The following PCDH15 variants were observed in gnomAD, a reference collection of about 807,000 sequenced individuals.
PCDH15 encodes protocadherin-15.
PCDH15 carries 129 observed loss-of-function variants against 178.5 expected under a neutral mutation model. The observed-to-expected ratio is 0.72, with a 90% confidence interval of 0.63 to 0.84. PCDH15 has a LOEUF of 0.84. Among genes scored for constraint, PCDH15 ranks in the 40% least tolerant of loss-of-function variants. The pLI is 0.00. For missense variants in PCDH15, 2,230 were observed against 2,099.9 expected, an observed-to-expected ratio of 1.06 and a Z score of -1.21; for synonymous variants, 800 against 732.0, an observed-to-expected ratio of 1.09 and a Z score of -1.50.
chr10:55,057,263 T>G (rs1342977465), intron 2 of PCDH15, among the ~76,000 whole-genome samples: 1 of 152,280 alleles, frequency 6.6e-6, no homozygotes, highest in Admixed American at 6.5e-5. Flanking sequence ...GGTTGTAATT[T>G]TTTTCCCTTG....
At chr10:53,839,027 AC>A (rs1186381360) in intron 29 of PCDH15, among the ~76,000 whole-genome samples, 1 of 151,568 alleles carries the variant, frequency 6.6e-6, no homozygotes, top group African/African-American at 2.4e-5. Flanking sequence ...ACATGGTAAA[AC>A]CCCGTCTCTA....
chr10:55,249,669 T>C (rs927031498), intron 1 of PCDH15, among the ~76,000 whole-genome samples: 7 of 152,142 alleles, frequency 4.6e-5, no homozygotes, highest in Non-Finnish European at 1.0e-4. Context: ...TGCAACACTT[T>C]AATATGTAGT....
At chr10:54,041,299 A>C (rs2093538211) in intron 18 of PCDH15, among the ~76,000 whole-genome samples, 1 of 152,116 alleles carries the variant, frequency 6.6e-6, no homozygotes, top group African/African-American at 2.4e-5. Context: ...ACATTACAAA[A>C]TAATTATGCT....
intron 3 of PCDH15, among the ~76,000 whole-genome samples, chr10:54,480,409 G>T (rs560940525): frequency 1.3e-5 from 2 of 151,970 alleles, no homozygotes; most frequent in Admixed American, 1.3e-4. Flanking sequence ...CAGCAAAACC[G>T]TAAGTGGCCT....
chr10:53,897,435 A>T (rs992788704), intron 26 of PCDH15, among the ~76,000 whole-genome samples: 4 of 152,232 alleles, frequency 2.6e-5, no homozygotes, highest in African/African-American at 9.6e-5. Context: ...TAAAGTTTAA[A>T]ACATTTTATA....
At chr10:53,852,658 C>A (rs1229662883) in intron 28 of PCDH15, among the ~76,000 whole-genome samples, 1 of 151,926 alleles carries the variant, frequency 6.6e-6, no homozygotes, top group Non-Finnish European at 1.5e-5. Context: ...ATGGATATGT[C>A]AGGTCATTAT....
At chr10:55,424,391 G>A (rs184125677) in intron 2 of PCDH15, among the ~76,000 whole-genome samples, 118 of 152,218 alleles carry the variant, frequency 7.8e-4, no homozygotes, top group African/African-American at 2.6e-3. Context: ...GGCTAGTAGT[G>A]CCCTTAGACC....
intron 25 of PCDH15, among the ~76,000 whole-genome samples, chr10:53,935,115 A>G (rs2085452834): frequency 6.6e-6 from 1 of 152,178 alleles, no homozygotes; most frequent in Non-Finnish European, 1.5e-5. Flanking sequence ...CCAGTTTGTC[A>G]TTACACATTT....
At chr10:55,368,146 T>C (rs1189851806) in intron 2 of PCDH15, among the ~76,000 whole-genome samples, 1 of 152,136 alleles carries the variant, frequency 6.6e-6, no homozygotes, top group Non-Finnish European at 1.5e-5. Context: ...GACAGAATGA[T>C]ATTTATTCTC....
At chr10:54,093,498 A>G (rs1476484885) in intron 15 of PCDH15, among the ~76,000 whole-genome samples, 1 of 152,196 alleles carries the variant, frequency 6.6e-6, no homozygotes, top group Non-Finnish European at 1.5e-5. Context: ...AAGGTGAGAA[A>G]TAATCCATAA....
rs71014423 is a variant in PCDH15, at chr10:54,853,289, GTATATATA to G, written c.-29+44153_-29+44160del. On this transcript the variant is annotated intron_variant, in intron 3 of 5. Coordinates refer to the PCDH15 transcript ENST00000458638. ...TATATATATATGTGTATGTATGTGT[GTATATATA>G]TATATATATATATATATATATACAT... Among the ~76,000 whole-genome samples, 9 of 102,550 alleles carry G rather than the reference GTATATATA, an allele frequency of 8.8e-5. No individual in the cohort carries two copies. The East Asian group carries it at 2.4e-3, about 27-fold the overall frequency. 67.3% of individuals were successfully genotyped at this position (102,550 alleles called of 152,430 possible). A position where few individuals can be genotyped will look rare whatever the true frequency, so the allele number is the denominator to read the frequency against.
chr10:54,228,863 A>G (rs1223314727), intron 9 of PCDH15, among the ~76,000 whole-genome samples: 1 of 152,178 alleles, frequency 6.6e-6, no homozygotes, highest in African/African-American at 2.4e-5. Flanking sequence ...ATAATGTTTT[A>G]CCAGCTCTTT....
intron 3 of PCDH15, among the ~76,000 whole-genome samples, chr10:54,386,056 G>A (rs1301577921): frequency 6.6e-6 from 1 of 151,200 alleles, no homozygotes; most frequent in Non-Finnish European, 1.5e-5. Flanking sequence ...TGATTTTTGT[G>A]CATTGGTTTT....
At chr10:54,433,163 G>A (rs1957153899) in intron 3 of PCDH15, among the ~76,000 whole-genome samples, 2 of 152,086 alleles carry the variant, frequency 1.3e-5, no homozygotes, top group Admixed American at 6.6e-5. Flanking sequence ...CAGTTTAGAG[G>A]TTCCTCAGAA....
At chr10:54,496,861 C>G (rs1411463675) in intron 3 of PCDH15, among the ~76,000 whole-genome samples, 1 of 152,254 alleles carries the variant, frequency 6.6e-6, no homozygotes, top group East Asian at 1.9e-4. Flanking sequence ...CTTACGACCA[C>G]CCTTGTTGTA....
intron 2 of PCDH15, among the ~76,000 whole-genome samples, chr10:55,412,688 A>C (rs1838369339): frequency 6.6e-6 from 1 of 151,962 alleles, no homozygotes; most frequent in Non-Finnish European, 1.5e-5. Flanking sequence ...AACTCTAAAA[A>C]TATTTTATGA....
At chr10:54,258,158 G>A (rs2057057908) in intron 8 of PCDH15, among the ~76,000 whole-genome samples, 2 of 152,060 alleles carry the variant, frequency 1.3e-5, no homozygotes, top group Admixed American at 1.3e-4. Context: ...CTGGAGATGA[G>A]GTTGCTTAGA....
At chr10:54,919,273 C>T (rs1040133500) in intron 2 of PCDH15, among the ~76,000 whole-genome samples, 2 of 152,090 alleles carry the variant, frequency 1.3e-5, no homozygotes, top group Admixed American at 6.6e-5. Flanking sequence ...AGTTTCCCTA[C>T]AATATATGAT....
intron 3 of PCDH15, among the ~76,000 whole-genome samples, chr10:54,860,137 G>A (rs578179980): frequency 1.3e-5 from 2 of 151,966 alleles, no homozygotes; most frequent in African/African-American, 4.8e-5. Flanking sequence ...TTGTTCTACT[G>A]AGTTTTTTAA....
Sources: allele counts gnomAD v4.1 joint callset (sites outside exome capture counted in the v4.1 genomes callset), GRCh38; gene constraint gnomAD v4.1.1; transcripts MANE v1.5; gene names NCBI Gene and HGNC (gene_info 2026-07-23, HGNC 2026-07-21).